The following CTNND2 variants were observed in gnomAD, a reference collection of about 807,000 sequenced individuals.
CTNND2 encodes the protein catenin delta 2.
Under a neutral mutation model 144.4 loss-of-function variants are expected in CTNND2, and 22 were observed. That is an observed-to-expected ratio of 0.15 (90% CI 0.11 to 0.22). CTNND2 has a LOEUF of 0.22. Ranked by LOEUF, CTNND2 falls within the 10% of genes least tolerant of loss-of-function variation. The probability of loss-of-function intolerance (pLI) is 1.00; values close to 1 mark genes in which losing one functional copy is unlikely to be tolerated. For missense variants in CTNND2, 1,353 were observed against 1,618.8 expected (o/e 0.84, Z 2.82); for synonymous variants, 751 against 695.6 (o/e 1.08, Z -1.25).
chr5:11,813,872 G>T (rs952470099), intron 1 of CTNND2, among the ~76,000 whole-genome samples: 1 of 152,118 alleles, frequency 6.6e-6, no homozygotes. Context: ...ACGTTAAAAT[G>T]ATGCTATAAT....
intron 1 of CTNND2, among the ~76,000 whole-genome samples, chr5:11,746,940 A>G (rs1425527951): frequency 6.6e-6 from 1 of 152,188 alleles, no homozygotes; most frequent in Non-Finnish European, 1.5e-5. Context: ...TATTAAGTAT[A>G]TAGCTATAAA....
intron 12 of CTNND2, among the ~76,000 whole-genome samples, chr5:11,127,495 T>C (rs1256320368): frequency 1.3e-5 from 2 of 152,172 alleles, no homozygotes; most frequent in African/African-American, 4.8e-5. Context: ...ACAAGAGGCA[T>C]TTCCACTGTC....
At chr5:11,528,893 T>A (rs1447908458) in intron 3 of CTNND2, among the ~76,000 whole-genome samples, 1 of 152,210 alleles carries the variant, frequency 6.6e-6, no homozygotes, top group Non-Finnish European at 1.5e-5. Context: ...GCTGCTGGGA[T>A]GGAGCAGAGC....
At chr5:11,047,489 T>C (rs1166701520) in intron 16 of CTNND2, among the ~76,000 whole-genome samples, 1 of 152,096 alleles carries the variant, frequency 6.6e-6, no homozygotes, top group Admixed American at 6.5e-5. Context: ...GATATGTGTA[T>C]ATTTAGGGGT....
rs713524 is a variant in CTNND2 at position 11,892,810 on chromosome 5, G to A, written c.37+11007C>T. 2.6e-3 allele frequency among the ~76,000 whole-genome samples: 391 copies of A among 152,234 alleles called. 15 individuals are homozygous for A. The East Asian group carries it at 0.065, about 25-fold the overall frequency. ...TAAAATCAGATGAATATCACCTAAGGATATTCCAAGAATCAGTGAACACGA... is the reference window on the plus strand; with the variant it reads ...TAAAATCAGATGAATATCACCTAAGAATATTCCAAGAATCAGTGAACACGA... On this transcript the variant is annotated intron_variant, in intron 1 of 21. Transcript: ENST00000304623.
At chr5:11,821,248 G>A (rs946037058) in intron 1 of CTNND2, among the ~76,000 whole-genome samples, 5 of 152,062 alleles carry the variant, frequency 3.3e-5, no homozygotes, top group African/African-American at 1.2e-4. Context: ...GAAACATAGG[G>A]AAATACTGAG....
intron 3 of CTNND2, among the ~76,000 whole-genome samples, chr5:11,426,192 A>G (rs1242684212): frequency 6.6e-6 from 1 of 152,186 alleles, no homozygotes; most frequent in Non-Finnish European, 1.5e-5. Flanking sequence ...GAAAAACACA[A>G]GTCATCCTTC....
At chr5:11,881,347 C>T (rs1479527188) in intron 1 of CTNND2, among the ~76,000 whole-genome samples, 1 of 151,844 alleles carries the variant, frequency 6.6e-6, no homozygotes. Context: ...CTATAGTCAC[C>T]CTACTGTGTT....
At chr5:11,512,179 C>G (rs563639150) in intron 3 of CTNND2, among the ~76,000 whole-genome samples, 70 of 152,278 alleles carry the variant, frequency 4.6e-4, no homozygotes, top group African/African-American at 1.5e-3. Context: ...TGCTTTAATG[C>G]TCTGCTGTTG....
chr5:11,080,230 T>C (rs1749403671), intron 16 of CTNND2, among the ~76,000 whole-genome samples: 1 of 152,096 alleles, frequency 6.6e-6, no homozygotes, highest in Non-Finnish European at 1.5e-5. Flanking sequence ...AAAGGTTCAA[T>C]ATCACTAAGC....
intron 6 of CTNND2, among the ~76,000 whole-genome samples, chr5:11,392,048 T>A (rs1246832825): frequency 6.6e-6 from 1 of 152,174 alleles, no homozygotes; most frequent in African/African-American, 2.4e-5. Flanking sequence ...CCCAAAATTA[T>A]GGAGGAGGGG....
chr5:11,168,865 C>T (rs535639231), intron 11 of CTNND2, among the ~76,000 whole-genome samples: 4 of 151,540 alleles, frequency 2.6e-5, no homozygotes, highest in African/African-American at 9.7e-5. Flanking sequence ...GACAAAATAC[C>T]CCCACTATCT....
At chr5:11,172,359 T>C (rs368116435) in intron 11 of CTNND2, among the ~76,000 whole-genome samples, 1 of 152,226 alleles carries the variant, frequency 6.6e-6, no homozygotes, top group African/African-American at 2.4e-5. Context: ...GTTTCATATG[T>C]GAGATCTTCA....
At chr5:11,601,006 C>T (rs1779762651) in intron 2 of CTNND2, among the ~76,000 whole-genome samples, 1 of 151,910 alleles carries the variant, frequency 6.6e-6, no homozygotes, top group African/African-American at 2.4e-5. Flanking sequence ...TCTAATTTGA[C>T]TTGCATAAAA....
intron 1 of CTNND2, among the ~76,000 whole-genome samples, chr5:11,881,714 T>TA (rs1285396950): frequency 6.6e-6 from 1 of 152,084 alleles, no homozygotes; most frequent in African/African-American, 2.4e-5. Context: ...AGAACATAGA[T>TA]ACCTCTTGAA....
At chr5:11,275,640 T>C (rs2149985761) in intron 9 of CTNND2, among the ~76,000 whole-genome samples, 1 of 152,348 alleles carries the variant, frequency 6.6e-6, no homozygotes, top group Admixed American at 6.5e-5. Flanking sequence ...CACTTCTCTC[T>C]CTTACACTAC....
At chr5:11,486,431 A>G (rs1171111068) in intron 3 of CTNND2, among the ~76,000 whole-genome samples, 1 of 152,218 alleles carries the variant, frequency 6.6e-6, no homozygotes, top group East Asian at 1.9e-4. Flanking sequence ...ATACTTGTTC[A>G]AGTTGGCAGA....
At chr5:11,182,152 G>A (rs1560983265) in intron 11 of CTNND2, among the ~76,000 whole-genome samples, 1 of 139,884 alleles carries the variant, frequency 7.1e-6, no homozygotes, top group Non-Finnish European at 1.6e-5. Flanking sequence ...GTGTGGATGG[G>A]GTGTGTGTGT....
chr5:11,206,894 C>CA (rs907462524), intron 10 of CTNND2, among the ~76,000 whole-genome samples: 3 of 152,210 alleles, frequency 2.0e-5, no homozygotes, highest in African/African-American at 7.2e-5. Context: ...GCTACACTTA[C>CA]ACTTACTCTC....
Sources: gnomAD v4.1 joint callset for allele counts (sites outside exome capture counted in the v4.1 genomes callset) on GRCh38, gnomAD v4.1.1 for gene constraint, MANE v1.5 for transcripts, NCBI Gene and HGNC (gene_info 2026-07-23, HGNC 2026-07-21) for gene names.